The following USP34 variants were observed in gnomAD, a reference collection of about 807,000 sequenced individuals.
The protein encoded by USP34 is ubiquitin specific peptidase 34.
Under a neutral mutation model 460.3 loss-of-function variants are expected in USP34, and 70 were observed. That is an observed-to-expected ratio of 0.15 (90% confidence interval 0.13 to 0.19). The LOEUF (loss-of-function observed/expected upper bound fraction) is 0.19. Ranked by LOEUF, USP34 falls within the 10% of genes least tolerant of loss-of-function variation. USP34 has a pLI of 1.00. For missense variants in USP34, 3,985 were observed against 4,236.2 expected (o/e 0.94, Z 1.65); for synonymous variants, 1,647 against 1,405.3 (o/e 1.17, Z -3.85).
chr2:61,348,189 C>T lies in USP34; in HGVS notation c.1966G>A (p.Gly656Arg), dbSNP rs1418357109. The T allele has an allele frequency of 2.5e-6, 4 of 1,614,212 alleles. No homozygotes were observed. The highest frequency in any genetic ancestry group is 1.3e-5 in the African/African-American group (1 of 75,054). Residue 656 changes from glycine (G) to arginine (R), a missense_variant, in exon 15 of 80, where the codon GGG becomes AGG. By Grantham distance (125) the Gly-to-Arg change is moderately radical (BLOSUM62 -2). Transcript: ENST00000398571. ...CTTTCTGACATGCCTTGGGAGTCCC[C>T]CAGGCAAATGCCTGCTTGACTCTCT... ...KLESQAGICL[G>R]DSQGMSERNG...
At chr2:61,353,302 C>T (rs866114948) in intron 10 of USP34, among the ~76,000 whole-genome samples, 3 of 150,606 alleles carry the variant, frequency 2.0e-5, no homozygotes, top group African/African-American at 7.3e-5. Flanking sequence ...TAGAGTTGTA[C>T]TTTTTTTTTG....
intron 1 of USP34, among the ~76,000 whole-genome samples, chr2:61,424,122 C>T (rs1694441726): frequency 6.6e-6 from 1 of 152,018 alleles, no homozygotes; most frequent in African/African-American, 2.4e-5. Flanking sequence ...TCCAGCAATC[C>T]CACTCGTGAG....
chr2:61,379,117 G>T (rs1240296530), intron 7 of USP34, among the ~76,000 whole-genome samples: 2 of 151,958 alleles, frequency 1.3e-5, no homozygotes, highest in African/African-American at 4.8e-5. Flanking sequence ...AATTTATCTG[G>T]GACAATATCA....
chr2:61,337,315 A>T (rs1487379107), intron 18 of USP34, among the ~76,000 whole-genome samples: 1 of 151,776 alleles, frequency 6.6e-6, no homozygotes, highest in Non-Finnish European at 1.5e-5. Context: ...AATTCAACCA[A>T]GTTGTTCCAT....
At chr2:61,408,121 AT>A (rs1693935196) in intron 2 of USP34, among the ~76,000 whole-genome samples, 1 of 152,208 alleles carries the variant, frequency 6.6e-6, no homozygotes, top group African/African-American at 2.4e-5. Flanking sequence ...TCACAAAAAA[AT>A]AAAAAATAAA....
At chr2:61,320,491 G>C (rs1201635610) in intron 21 of USP34, among the ~76,000 whole-genome samples, 4 of 135,050 alleles carry the variant, frequency 3.0e-5, no homozygotes, top group African/African-American at 5.2e-5. Context: ...GCCCGGGCCA[G>C]GAATCAGTTT....
intron 6 of USP34, among the ~76,000 whole-genome samples, chr2:61,382,965 G>A (rs1030673603): frequency 2.0e-5 from 3 of 152,088 alleles, no homozygotes; most frequent in African/African-American, 7.2e-5. Flanking sequence ...TATATCCTCA[G>A]TGCCTAGAAC....
In USP34 at chr2:61,301,287, T is replaced by C. The variant is rs1690215547; in HGVS notation, c.3918+67A>G. On this transcript the variant is annotated intron_variant, in intron 28 of 79. Transcript: ENST00000398571. ...CAATAAGAGCTGTTTTTAAACTACA[T>C]CTGCGACTATTCAACTGATGATTAT... is the stretch of plus-strand genomic sequence containing the variant. 10 of 1,549,070 alleles carry C rather than the reference T, an allele frequency of 6.5e-6. No individual in the cohort carries two copies. The East Asian group carries it at 6.8e-5, about 10-fold the overall frequency.
At chr2:61,319,367 T>C (rs1352806203) in intron 21 of USP34, 40 bp from the exon 22 acceptor site, 13 of 1,402,070 alleles carry the variant, frequency 9.3e-6, no homozygotes, top group Non-Finnish European at 1.2e-5. Context: ...ATTAACTACA[T>C]ACAAAAAAAT....
intron 10 of USP34, among the ~76,000 whole-genome samples, chr2:61,359,799 T>C: frequency 6.8e-6 from 1 of 147,762 alleles, no homozygotes; most frequent in South Asian, 2.2e-4. Flanking sequence ...TTTTTTTTTT[T>C]TTTGAGACAG....
Position 61,378,937 on chromosome 2 carries a change from A to AAC in USP34, c.1015-514_1015-513insGT, listed in dbSNP as rs1692886184. ...CGAAAAAAAAAAAAAAAAAAAAAAA[A>AAC]CAACACTAAATTCATTCCACAAATA... On this transcript the variant is annotated intron_variant, in intron 7 of 79. Coordinates refer to ENST00000398571, the MANE Select transcript of USP34 (RefSeq NM_014709.4). 2.3e-5 allele frequency among the ~76,000 whole-genome samples: 3 copies of AAC among 131,554 alleles called. No homozygotes were observed. In the South Asian group the frequency reaches 6.8e-4, roughly 30 times the overall value. The allele number at this position is 131,554 out of a possible 152,430, so 86.3% of individuals were successfully genotyped here.
chr2:61,431,538 A>G (rs753163803), intron 1 of USP34, among the ~76,000 whole-genome samples: 4 of 152,152 alleles, frequency 2.6e-5, no homozygotes, highest in Non-Finnish European at 5.9e-5. Context: ...TAGGATTACT[A>G]TAGTTAATAA....
At chr2:61,446,074 A>C (rs1185580697) in intron 1 of USP34, among the ~76,000 whole-genome samples, 4 of 142,366 alleles carry the variant, frequency 2.8e-5, no homozygotes, top group African/African-American at 1.0e-4. Context: ...GGATTGCACC[A>C]CTGCACTCCA....
In USP34 at chr2:61,214,650, G is replaced by A; in HGVS notation, c.8092C>T (p.Arg2698Cys). 1.2e-6 allele frequency: 2 copies of A among 1,614,128 alleles called. No homozygotes were observed. Among genetic ancestry groups the A allele is most frequent in the Non-Finnish European group, 1.7e-6 (2 of 1,180,026 alleles). Residue 2698 changes from arginine to cysteine, a missense_variant, in exon 68 of 80, where the codon CGT (arginine) becomes TGT (cysteine). Arg to Cys is a radical substitution (Grantham distance 180). Around this residue, in one of 14 missense-constraint regions of USP34, gnomAD observed 604 missense variants for 684.8 expected, o/e 0.88. Coordinates refer to ENST00000398571, the MANE Select transcript of USP34 (RefSeq NM_014709.4). ...GACCTTGTTGACCGGAACATCTGAC[G>A]GAATGAATTGCTTGGTATAAGGGAC... ...LVSLIPSNSF[R>C]QMFRSTRSLH...
At position 61,317,570 on chromosome 2, in the gene USP34, T is replaced by C. The variant is rs1690790132; in HGVS notation, c.3282+84A>G. 9 of 1,224,936 alleles carry C rather than the reference T, an allele frequency of 7.3e-6. No individual in the cohort carries two copies. The South Asian group carries it at 1.2e-4, about 17-fold the overall frequency. The allele number at this position is 1,224,936 out of a possible 1,614,324, so 75.9% of individuals were successfully genotyped here. ...CTGCACAGGTAGTAAATTCTATACTTTGTAGAAAAATAATTTGGAAACCGA... is the reference window on the plus strand; with the variant it reads ...CTGCACAGGTAGTAAATTCTATACTCTGTAGAAAAATAATTTGGAAACCGA... On this transcript the variant is annotated intron_variant, in intron 23 of 79. Coordinates refer to ENST00000398571, the MANE Select transcript of USP34 (RefSeq NM_014709.4).
intron 1 of USP34, among the ~76,000 whole-genome samples, chr2:61,445,551 A>T (rs1254518528): frequency 6.6e-6 from 1 of 151,324 alleles, no homozygotes; most frequent in Non-Finnish European, 1.5e-5. Flanking sequence ...AAAAAAAAAA[A>T]ATTGCTAAGA....
At chr2:61,383,232 A>G in intron 6 of USP34, 37 bp downstream of exon 6, 1 of 1,419,690 alleles carries the variant, frequency 7.0e-7, no homozygotes, top group Non-Finnish European at 9.8e-7. Flanking sequence ...AATATATTAC[A>G]CTGATAATCG....
At chr2:61,462,635 C>T (rs1695637722) in intron 1 of USP34, among the ~76,000 whole-genome samples, 2 of 150,396 alleles carry the variant, frequency 1.3e-5, no homozygotes, top group Non-Finnish European at 1.5e-5. Context: ...CTGAGGCAAG[C>T]GGATCACTTG....
At chr2:61,371,068 AACAG>A (rs1472942420) in intron 8 of USP34, among the ~76,000 whole-genome samples, 4 of 152,238 alleles carry the variant, frequency 2.6e-5, no homozygotes, top group African/African-American at 7.2e-5. Context: ...AAAGTGAAGT[AACAG>A]ACAGTCATGT....
Sources: allele counts gnomAD v4.1 joint callset (sites outside exome capture counted in the v4.1 genomes callset), GRCh38; gene constraint gnomAD v4.1.1; regional missense constraint gnomAD v4.1.1; transcripts MANE v1.5; gene names NCBI Gene and HGNC (gene_info 2026-07-23, HGNC 2026-07-21).